The following MEMO1 variants were observed in gnomAD, a reference collection of about 807,000 sequenced individuals.
MEMO1 encodes the protein mediator of cell motility 1.
Under a neutral mutation model 45.2 loss-of-function variants are expected in MEMO1, and 6 were observed. The observed-to-expected ratio is 0.13, with a 90% CI of 0.07 to 0.26. MEMO1 has a LOEUF of 0.26. Ranked by LOEUF, MEMO1 falls within the 10% of genes least tolerant of loss-of-function variation. The probability of loss-of-function intolerance (pLI) is 1.00; values close to 1 mark genes in which losing one functional copy is unlikely to be tolerated. For synonymous variants in MEMO1, 78 were observed against 124.3 expected (o/e 0.63, Z 2.48); for missense variants, 184 against 370.5 (o/e 0.50, Z 4.13).
intron 8 of MEMO1, among the ~76,000 whole-genome samples, chr2:31,876,097 A>G (rs1293127869): frequency 3.9e-5 from 6 of 152,142 alleles, no homozygotes; most frequent in African/African-American, 2.4e-5. Context: ...GTACTTATAT[A>G]AAGTTCTTAC....
intron 2 of MEMO1, chr2:31,963,096 C>G (rs1332451656): frequency 1.4e-6 from 2 of 1,405,270 alleles, no homozygotes; most frequent in Non-Finnish European, 1.9e-6. Flanking sequence ...TTGAGTCAAC[C>G]AACCCATCCT....
In MEMO1 at chr2:31,868,583, C is replaced by G. The variant is rs930793281; in HGVS notation, c.763-91G>C. ...CGGTTTGACTTTGTCCACTTCACAG[C>G]TGAAGCCTAGATTATCTCTTTTGCT... is the stretch of plus-strand genomic sequence containing the variant. On this transcript the variant is annotated intron_variant, in intron 9 of 9. Transcript: ENST00000404530. The G allele has an allele frequency of 4.1e-6, 5 of 1,221,210 alleles. No homozygotes were observed. In the East Asian group the frequency reaches 1.5e-4, roughly 36 times the overall value. The allele number at this position is 1,221,210 out of a possible 1,614,324, so 75.6% of individuals were successfully genotyped here. A position where few individuals can be genotyped will look rare whatever the true frequency, so the allele number is the denominator to read the frequency against.
intron 6 of MEMO1, among the ~76,000 whole-genome samples, chr2:31,897,331 C>A (rs1468034663): frequency 6.6e-6 from 1 of 152,190 alleles, no homozygotes; most frequent in African/African-American, 2.4e-5. Flanking sequence ...TTTGCCCATG[C>A]AGTATGATAC....
intron 2 of MEMO1, among the ~76,000 whole-genome samples, chr2:31,979,367 T>C (rs1670383473): frequency 6.6e-6 from 1 of 152,230 alleles, no homozygotes; most frequent in Non-Finnish European, 1.5e-5. Flanking sequence ...ATAGGAATCC[T>C]AACATTTAAT....
At chr2:31,872,046 A>ACACACACAG (rs1201756598) in intron 8 of MEMO1, among the ~76,000 whole-genome samples, 6 of 21,408 alleles carry the variant, frequency 2.8e-4, no homozygotes, top group Middle Eastern at 0.026. Flanking sequence ...CACACACACA[A>ACACACACAG]AGTTAAACCT....
At chr2:31,871,744 T>C (rs900296228) in intron 8 of MEMO1, among the ~76,000 whole-genome samples, 10 of 152,130 alleles carry the variant, frequency 6.6e-5, no homozygotes, top group African/African-American at 1.9e-4. Flanking sequence ...CCAGGTACAG[T>C]GGCTCATGCC....
chr2:31,873,946 A>T (rs1674170545), intron 8 of MEMO1, among the ~76,000 whole-genome samples: 1 of 152,136 alleles, frequency 6.6e-6, no homozygotes, highest in Admixed American at 6.5e-5. Context: ...AAAACTTACT[A>T]AAAAGCTATT....
chr2:31,967,812 AG>A (rs1668815303), intron 2 of MEMO1, among the ~76,000 whole-genome samples: 1 of 152,140 alleles, frequency 6.6e-6, no homozygotes, highest in South Asian at 2.1e-4. Context: ...GTTTAGTGGG[AG>A]GTTTTTTCCC....
At chr2:31,946,988 T>A (rs1666276048) in intron 2 of MEMO1, among the ~76,000 whole-genome samples, 1 of 152,190 alleles carries the variant, frequency 6.6e-6, no homozygotes, top group African/African-American at 2.4e-5. Flanking sequence ...AACAACAGGC[T>A]ATACCATCTA....
chr2:31,883,955 T>C (rs1022346796), intron 7 of MEMO1, among the ~76,000 whole-genome samples: 1 of 151,200 alleles, frequency 6.6e-6, no homozygotes, highest in Non-Finnish European at 1.5e-5. Context: ...GTGACTTTTA[T>C]GAAGTAAATT....
intron 8 of MEMO1, among the ~76,000 whole-genome samples, chr2:31,872,949 C>A (rs1023676896): frequency 7.2e-5 from 11 of 152,112 alleles, no homozygotes; most frequent in Non-Finnish European, 1.2e-4. Flanking sequence ...ATACAGGATA[C>A]TGGCAAATAC....
At chr2:31,946,267 G>A (rs1413954105) in intron 2 of MEMO1, among the ~76,000 whole-genome samples, 1 of 151,826 alleles carries the variant, frequency 6.6e-6, no homozygotes, top group South Asian at 2.1e-4. Context: ...TTTTGTATTT[G>A]TGTTTCAATA....
At chr2:32,004,315 G>GA (rs1673777782) in intron 2 of MEMO1, among the ~76,000 whole-genome samples, 1 of 151,364 alleles carries the variant, frequency 6.6e-6, no homozygotes, top group African/African-American at 2.4e-5. Context: ...AAGTCAATAT[G>GA]AAAAAAATAA....
chr2:31,922,111 T>C (rs377623744), intron 4 of MEMO1, among the ~76,000 whole-genome samples: 3 of 152,146 alleles, frequency 2.0e-5, no homozygotes, highest in Admixed American at 6.6e-5. Flanking sequence ...ATATATGATA[T>C]GCTATGTAGC....
intron 2 of MEMO1, among the ~76,000 whole-genome samples, chr2:32,004,096 G>A (rs1346713159): frequency 2.6e-5 from 4 of 152,096 alleles, no homozygotes; most frequent in East Asian, 1.9e-4. Context: ...CAGGGGGATC[G>A]CTTGAGCCCA....
intron 4 of MEMO1, among the ~76,000 whole-genome samples, chr2:31,931,401 A>G (rs1664150637): frequency 6.6e-6 from 1 of 152,222 alleles, no homozygotes; most frequent in Admixed American, 6.5e-5. Flanking sequence ...TAGCTTGTAC[A>G]TCTGGCAAAG....
intron 6 of MEMO1, among the ~76,000 whole-genome samples, chr2:31,914,071 CAG>C: frequency 6.6e-6 from 1 of 152,228 alleles, no homozygotes; most frequent in South Asian, 2.1e-4. Flanking sequence ...TGTCAACAGG[CAG>C]AGATAGACGA....
chr2:31,935,104 T>C (rs1426068450), intron 3 of MEMO1, among the ~76,000 whole-genome samples: 1 of 152,160 alleles, frequency 6.6e-6, no homozygotes, highest in African/African-American at 2.4e-5. Context: ...GTAGGAATTA[T>C]TATTATTGTC....
intron 3 of MEMO1, among the ~76,000 whole-genome samples, chr2:31,933,347 A>AT (rs869029468): frequency 1.9e-3 from 38 of 19,954 alleles, no homozygotes; most frequent in African/African-American, 6.7e-3. Context: ...AAAAAAAAAA[A>AT]AATTTATATA....
Sources: allele counts gnomAD v4.1 joint callset (sites outside exome capture counted in the v4.1 genomes callset), GRCh38; gene constraint gnomAD v4.1.1; transcripts MANE v1.5; gene names NCBI Gene and HGNC (gene_info 2026-07-23, HGNC 2026-07-21).